The following GUCY2C variants were observed in gnomAD, a reference collection of about 807,000 sequenced individuals.
GUCY2C encodes guanylyl cyclase C.
Under a neutral mutation model 131.1 loss-of-function variants are expected in GUCY2C, and 118 were observed. The observed-to-expected ratio is 0.90, with a 90% CI of 0.78 to 1.05. The LOEUF (loss-of-function observed/expected upper bound fraction) is 1.05. GUCY2C is among the 50% of genes least tolerant of loss of function. The probability of loss-of-function intolerance (pLI) is 0.00; values close to 1 mark genes in which losing one functional copy is unlikely to be tolerated. For synonymous variants in GUCY2C, 452 were observed against 457.8 expected (o/e 0.99, Z 0.16); for missense variants, 1,161 against 1,304.4 (o/e 0.89, Z 1.69).
At position 14,681,352 on chromosome 12, in the gene GUCY2C, T is replaced by G. The variant is rs1367923539; in HGVS notation, c.733+4A>C. ...AAAAAACAATTATCTTCATGTCTTCTTACCATTGCTTTTCCTGTTGTGGTC... is the reference window on the plus strand; with the variant it reads ...AAAAAACAATTATCTTCATGTCTTCGTACCATTGCTTTTCCTGTTGTGGTC... On this transcript the variant is annotated splice_donor_region_variant and intron_variant, in intron 5 of 26. Transcript: ENST00000261170. The G allele has an allele frequency of 4.3e-6, 7 of 1,612,368 alleles. No individual in the cohort carries two copies. The highest frequency in any genetic ancestry group is 1.7e-4 in the Middle Eastern group (1 of 6,048).
chr12:14,672,838 G>T, intron 9 of GUCY2C, 35 bp downstream of exon 9: 2 of 1,221,442 alleles, frequency 1.6e-6, no homozygotes, highest in Non-Finnish European at 2.4e-6. Context: ...CCCAGTCACA[G>T]CACCCTGAAT....
intron 19 of GUCY2C, among the ~76,000 whole-genome samples, chr12:14,635,123 A>G (rs573864129): frequency 6.6e-6 from 1 of 152,352 alleles, no homozygotes; most frequent in Non-Finnish European, 1.5e-5. Flanking sequence ...TGAACCTAAC[A>G]TTTACAGAAC....
At chr12:14,617,565 T>G (rs1403819128) in intron 24 of GUCY2C, among the ~76,000 whole-genome samples, 2 of 152,148 alleles carry the variant, frequency 1.3e-5, no homozygotes, top group East Asian at 3.9e-4. Context: ...GGTCTTGATT[T>G]TCTCAAATTT....
chr12:14,652,130 T>C lies in GUCY2C; in HGVS notation c.1534-100A>G, dbSNP rs1279714658. The C allele has an allele frequency of 7.9e-6, 4 of 504,472 alleles. No homozygotes were observed. The East Asian group carries it at 1.3e-4, about 16-fold the overall frequency. 31.2% of individuals were successfully genotyped at this position (504,472 alleles called of 1,614,324 possible). ...GTGTGTCTCACTAGACTATAAACTT[T>C]TGAGAGCAGTGACAGTATTTGATTG... On this transcript the variant is annotated intron_variant, in intron 13 of 26. Coordinates refer to ENST00000261170, the MANE Select transcript of GUCY2C (RefSeq NM_004963.4).
At position 14,619,312 on chromosome 12, in the gene GUCY2C, G is replaced by C. The variant is rs1946845624; in HGVS notation, c.2777-3C>G. On this transcript the variant is annotated splice_region_variant and splice_polypyrimidine_tract_variant and intron_variant, in intron 23 of 26. Coordinates refer to ENST00000261170, the MANE Select transcript of GUCY2C (RefSeq NM_004963.4). ...CACAACTCCAGCAGCACAGGGACCT[G>C]AAATGAAGGACAGAAAGCAGGAAGT... 1 of 1,588,870 alleles carries C rather than the reference G, an allele frequency of 6.3e-7. No individual in the cohort carries two copies.
At chr12:14,692,371 C>T (rs1374312475) in intron 1 of GUCY2C, among the ~76,000 whole-genome samples, 2 of 151,842 alleles carry the variant, frequency 1.3e-5, no homozygotes, top group Non-Finnish European at 2.9e-5. Flanking sequence ...TCTTTTTTGG[C>T]TTGAGAAATA....
At chr12:14,660,941 C>G (rs1289853370) in intron 11 of GUCY2C, 40 bp downstream of exon 11, 2 of 1,338,036 alleles carry the variant, frequency 1.5e-6, no homozygotes, top group South Asian at 2.3e-5. Flanking sequence ...CTTCCTGCCT[C>G]TCTGGATACC....
In GUCY2C at chr12:14,625,771, AAAGTT is replaced by A. The variant is rs1371080592; in HGVS notation, c.2389_2393del (p.Asn797TyrfsTer23). 1 of 1,613,916 alleles carries A rather than the reference AAAGTT, an allele frequency of 6.2e-7. No homozygotes were observed. The highest frequency in any genetic ancestry group is 8.5e-7 in the Non-Finnish European group (1 of 1,179,884). Reference sequence around the variant, plus strand: ...GCTTGCCTTACCTTGGAAGCAACATAAAGTTAAGTCTGTCAGCCCTGTCCCTCTCT... The same window carrying A: ...GCTTGCCTTACCTTGGAAGCAACATAAAGTCTGTCAGCCCTGTCCCTCTCT... On this transcript the variant is annotated frameshift_variant, in exon 21 of 27. Transcript: ENST00000261170. LOFTEE classifies it high-confidence loss of function.
intron 12 of GUCY2C, 147 bp from the exon 13 acceptor site, chr12:14,653,161 A>T: frequency 1.4e-6 from 1 of 727,658 alleles, no homozygotes; most frequent in Non-Finnish European, 2.5e-6. Context: ...AAACTGTTGT[A>T]ATTGACTTGC....
At position 14,683,407 on chromosome 12, in the gene GUCY2C, C is replaced by T. The variant is rs143762962; in HGVS notation, c.396-150G>A. ...GCAGGTTTCTCATGTATATAGGTGT[C>T]TTTCTCATACAGCTAAATTTAAAAA... On this transcript the variant is annotated intron_variant, in intron 3 of 26. Transcript: ENST00000261170. 101 of 608,670 alleles carry T rather than the reference C, an allele frequency of 1.7e-4. No homozygotes were observed. The African/African-American group carries it at 1.7e-3, about 10-fold the overall frequency. The allele number at this position is 608,670 out of a possible 1,614,324, so 37.7% of individuals were successfully genotyped here. A position where few individuals can be genotyped will look rare whatever the true frequency, so the allele number is the denominator to read the frequency against.
chr12:14,613,657 G>A lies in GUCY2C; in HGVS notation c.3048-366C>T, dbSNP rs76150725. Among the ~76,000 whole-genome samples, 1,567 of 152,230 alleles carry A rather than the reference G, an allele frequency of 0.01. 39 individuals are homozygous for A. The highest frequency in any genetic ancestry group is 0.036 in the African/African-American group (1,513 of 41,554). ...TGGTCCCACACATACTTAACAGTGTGAGTCTTGTTTGGGGAAGGCTTAGAA... is the reference window on the plus strand; with the variant it reads ...TGGTCCCACACATACTTAACAGTGTAAGTCTTGTTTGGGGAAGGCTTAGAA... On this transcript the variant is annotated intron_variant, in intron 26 of 26. Coordinates refer to ENST00000261170, the MANE Select transcript of GUCY2C (RefSeq NM_004963.4). This position sits in a 1 kb window ranked among gnomAD's most constrained non-coding sequence, Gnocchi z 4.9.
chr12:14,669,740 T>C lies in GUCY2C; in HGVS notation c.1264A>G (p.Asn422Asp), dbSNP rs1458364857. The change falls in exon 10 of 27, where the codon AAT (asparagine) becomes GAT (aspartate). Residue 422 changes from asparagine (N) to aspartate (D), a missense_variant. Coordinates refer to ENST00000261170, the MANE Select transcript of GUCY2C (RefSeq NM_004963.4). ...ATCTTACCCCGGCCTGTAATATCAT[T>C]AGGAAGTTTAGAGTTCTTCCAAGTG... is the stretch of plus-strand genomic sequence containing the variant. ...TFTWKNSKLP[N>D]DITGRGPQIL... 3.2e-6 allele frequency: 5 copies of C among 1,569,042 alleles called. No homozygotes were observed. Among genetic ancestry groups the C allele is most frequent in the South Asian group, 2.2e-5 (2 of 89,016 alleles).
intron 10 of GUCY2C, among the ~76,000 whole-genome samples, chr12:14,661,636 G>A (rs1442179869): frequency 6.6e-6 from 1 of 151,864 alleles, no homozygotes; most frequent in African/African-American, 2.4e-5. Flanking sequence ...ATGGGGTTTC[G>A]CCATGTTGCT....
At chr12:14,684,058 AG>A (rs1233968034) in intron 3 of GUCY2C, among the ~76,000 whole-genome samples, 1 of 152,030 alleles carries the variant, frequency 6.6e-6, no homozygotes, top group East Asian at 1.9e-4. Context: ...TCCTGTCATC[AG>A]TCTGCCTGTG....
chr12:14,621,663 C>G (rs555412414), intron 22 of GUCY2C, among the ~76,000 whole-genome samples: 1 of 152,124 alleles, frequency 6.6e-6, no homozygotes, highest in Non-Finnish European at 1.5e-5. Context: ...TTTATTATAA[C>G]CCCAGTGTCT....
chr12:14,683,140 C>A lies in GUCY2C; in HGVS notation c.513G>T (p.Leu171Phe). 6.2e-7 allele frequency: 1 copy of A among 1,613,082 alleles called. No homozygotes were observed. Among genetic ancestry groups the A allele is most frequent in the Non-Finnish European group, 8.5e-7 (1 of 1,179,160 alleles). ...GATCGTTGGTTTTCCAAAAGTTAAC[C>A]AAGAAGTACATCAACTTTCTAGCTG... ...MSPARKLMYF[L>F]VNFWKTNDLP... The change falls in exon 4 of 27, where the codon TTG (leucine) becomes TTT (phenylalanine). Residue 171 changes from leucine (L) to phenylalanine (F), a missense_variant. Coordinates refer to ENST00000261170, the MANE Select transcript of GUCY2C (RefSeq NM_004963.4).
chr12:14,631,050 A>C (rs1391656093), intron 19 of GUCY2C, among the ~76,000 whole-genome samples: 1 of 152,122 alleles, frequency 6.6e-6, no homozygotes, highest in Non-Finnish European at 1.5e-5. Flanking sequence ...TCAACATACT[A>C]TTACTATTGA....
intron 13 of GUCY2C, 91 bp from the exon 14 acceptor site, chr12:14,652,121 T>C (rs1049183701): frequency 5.4e-6 from 3 of 554,612 alleles, no homozygotes; most frequent in African/African-American, 3.8e-5. Flanking sequence ...CTCACTAGAC[T>C]ATAAACTTTT....
At chr12:14,618,395 C>T (rs1946816712) in intron 24 of GUCY2C, among the ~76,000 whole-genome samples, 1 of 152,072 alleles carries the variant, frequency 6.6e-6, no homozygotes, top group Admixed American at 6.6e-5. Context: ...TGCCTGTAGT[C>T]CCAGCTACTT....
Sources: allele counts gnomAD v4.1 joint callset (sites outside exome capture counted in the v4.1 genomes callset), GRCh38; gene constraint gnomAD v4.1.1; non-coding constraint Gnocchi (gnomAD v3.1); transcripts MANE v1.5; gene names NCBI Gene and HGNC (gene_info 2026-07-23, HGNC 2026-07-21).